Variants in UGGT2 observed in about 807,000 individuals in gnomAD.
UGGT2 encodes the protein UDP-glucose:glycoprotein glucosyltransferase 2.
Under a neutral mutation model 192.1 loss-of-function variants are expected in UGGT2, and 180 were observed. The observed-to-expected ratio is 0.94, with a 90% CI of 0.83 to 1.06. UGGT2 has a LOEUF of 1.06. Among genes scored for constraint, UGGT2 ranks in the 50% least tolerant of loss-of-function variants. The pLI is 0.00. For synonymous variants in UGGT2, 580 were observed against 591.0 expected (o/e 0.98, Z 0.27); for missense variants, 1,849 against 1,795.7 (o/e 1.03, Z -0.54).
chr13:96,043,424 T>C (rs1456434519), intron 1 of UGGT2, among the ~76,000 whole-genome samples: 1 of 151,970 alleles, frequency 6.6e-6, no homozygotes, highest in East Asian at 1.9e-4. Context: ...CTTTAAAACA[T>C]AAATCTCGCA....
chr13:96,040,822 T>C (rs1267711539), intron 1 of UGGT2, among the ~76,000 whole-genome samples: 1 of 152,068 alleles, frequency 6.6e-6, no homozygotes, highest in Non-Finnish European at 1.5e-5. Flanking sequence ...CAGTTCCAAC[T>C]CTAAGACTCT....
chr13:96,051,790 C>T (rs1315078435), intron 1 of UGGT2, among the ~76,000 whole-genome samples: 1 of 152,114 alleles, frequency 6.6e-6, no homozygotes, highest in Non-Finnish European at 1.5e-5. Context: ...CACCTTACTC[C>T]TGCAAGAATG....
At chr13:95,823,950 T>C (rs1488579192) in intron 38 of UGGT2, among the ~76,000 whole-genome samples, 1 of 152,116 alleles carries the variant, frequency 6.6e-6, no homozygotes, top group Non-Finnish European at 1.5e-5. Context: ...GCATTTCCTA[T>C]AGTGCTGGTT....
At chr13:96,015,047 G>C (rs2052285049) in intron 4 of UGGT2, among the ~76,000 whole-genome samples, 1 of 152,094 alleles carries the variant, frequency 6.6e-6, no homozygotes, top group African/African-American at 2.4e-5. Context: ...GGGAGGCCGA[G>C]GTGGGCGGAT....
Position 95,860,803 on chromosome 13 carries a change from T to C in UGGT2, c.3725A>G (p.Tyr1242Cys), listed in dbSNP as rs1323965812. The change falls in exon 32 of 39, where the codon TAT becomes TGT. Residue 1242 changes from tyrosine to cysteine, a missense_variant. Transcript: ENST00000376747. ...ATATACCTACCTTAAAAAACGTTCA[T>C]ATAAATGACCAGAAGCAACTGAAAA... ...NIFSVASGHL[Y>C]ERFLRIMMLS... The C allele has an allele frequency of 4.5e-6, 7 of 1,544,106 alleles. No homozygotes were observed. Among genetic ancestry groups the C allele is most frequent in the African/African-American group, 2.8e-5 (2 of 72,000 alleles).
At position 95,801,669 on chromosome 13, in the gene UGGT2, T is replaced by G; in HGVS notation, c.*121A>C. ...TTAAATAATTACAATTTTTTAAAAT[T>G]AAAGAATATGTCACTGATCTTAACG... On this transcript the variant is annotated 3_prime_UTR_variant, in exon 39 of 39. Transcript: ENST00000376747. 1 of 944,596 alleles carries G rather than the reference T, an allele frequency of 1.1e-6. No individual in the cohort carries two copies. The highest frequency in any genetic ancestry group is 2.6e-5 in the East Asian group (1 of 37,896). 58.5% of individuals were successfully genotyped at this position (944,596 alleles called of 1,614,324 possible). A position where few individuals can be genotyped will look rare whatever the true frequency, so the allele number is the denominator to read the frequency against.
At chr13:95,858,715 T>A (rs1889865341) in intron 33 of UGGT2, among the ~76,000 whole-genome samples, 1 of 152,180 alleles carries the variant, frequency 6.6e-6, no homozygotes, top group Admixed American at 6.6e-5. Flanking sequence ...TGGAGTTATA[T>A]AAATCCTTAT....
chr13:95,829,281 G>A (rs1406665594), intron 38 of UGGT2, among the ~76,000 whole-genome samples: 14 of 152,034 alleles, frequency 9.2e-5, no homozygotes, highest in African/African-American at 2.2e-4. Flanking sequence ...GCCCTCTCTC[G>A]CCACTCCTAT....
chr13:95,991,708 G>A (rs1388838730), intron 7 of UGGT2, among the ~76,000 whole-genome samples: 1 of 152,050 alleles, frequency 6.6e-6, no homozygotes, highest in Non-Finnish European at 1.5e-5. Flanking sequence ...TAAGTTATCA[G>A]ATTATAAGTT....
intron 29 of UGGT2, among the ~76,000 whole-genome samples, chr13:95,870,507 C>A (rs1341558311): frequency 2.0e-5 from 3 of 152,164 alleles, no homozygotes; most frequent in Admixed American, 6.5e-5. Context: ...GCTTAGCTTT[C>A]TGGGTACCAA....
rs181607149 is a variant in UGGT2 at position 95,822,559 on chromosome 13, G to A, written c.4528+10368C>T. 9.9e-5 allele frequency among the ~76,000 whole-genome samples: 15 copies of A among 151,902 alleles called. 1 individual carries two copies. The East Asian group carries it at 2.9e-3, about 29-fold the overall frequency. ...TTCTTTTGCTTGCCTAATTGCTCTG[G>A]CTAGGACTTCCAGTACTATGCTAAT... On this transcript the variant is annotated intron_variant, in intron 38 of 38. Transcript: ENST00000376747.
intron 30 of UGGT2, among the ~76,000 whole-genome samples, chr13:95,865,363 G>A (rs919206763): frequency 4.6e-5 from 7 of 152,126 alleles, no homozygotes; most frequent in African/African-American, 1.2e-4. Flanking sequence ...AACTGAAGGC[G>A]GCCGAGCATG....
chr13:95,846,394 G>A, intron 36 of UGGT2, among the ~76,000 whole-genome samples: 1 of 151,854 alleles, frequency 6.6e-6, no homozygotes, highest in Admixed American at 6.6e-5. Context: ...AGCCTCGGCT[G>A]GGCATCAGAG....
chr13:95,836,558 CT>C (rs1229544271), intron 37 of UGGT2, among the ~76,000 whole-genome samples: 9 of 152,164 alleles, frequency 5.9e-5, no homozygotes, highest in Admixed American at 1.3e-4. Flanking sequence ...TAAACACTTG[CT>C]TTCCTCCTGA....
At chr13:96,029,653 T>C (rs1168126282) in intron 2 of UGGT2, among the ~76,000 whole-genome samples, 3 of 152,342 alleles carry the variant, frequency 2.0e-5, no homozygotes, top group East Asian at 3.9e-4. Context: ...CTTCCATATA[T>C]GCTTGATGTA....
chr13:95,885,297 A>C (rs988043295), intron 26 of UGGT2, among the ~76,000 whole-genome samples: 1 of 152,166 alleles, frequency 6.6e-6, no homozygotes, highest in African/African-American at 2.4e-5. Flanking sequence ...ACTGCAGTCA[A>C]GGTGTCAGCT....
In UGGT2 at chr13:96,013,467, A is replaced by C; in HGVS notation, c.500T>G (p.Leu167Arg). ...AGGAAATTTGTGATCTCCTTTAAATAGATAAGGTCTAGTCCTAAGATAAAA... is the reference window on the plus strand; with the variant it reads ...AGGAAATTTGTGATCTCCTTTAAATCGATAAGGTCTAGTCCTAAGATAAAA... ...KKAASRTRPYLFKGDHKFPTN... is the reference protein window; with the variant it reads ...KKAASRTRPYRFKGDHKFPTN... The change falls in exon 5 of 39, where the codon CTA (leucine) becomes CGA (arginine). Residue 167 changes from leucine to arginine, a missense_variant. Leu to Arg is a moderately radical substitution (Grantham distance 102, BLOSUM62 -2). Coordinates refer to ENST00000376747, the MANE Select transcript of UGGT2 (RefSeq NM_020121.4). 1 of 1,570,128 alleles carries C rather than the reference A, an allele frequency of 6.4e-7. No individual in the cohort carries two copies. Among genetic ancestry groups the C allele is most frequent in the Non-Finnish European group, 8.6e-7 (1 of 1,162,526 alleles).
chr13:95,805,300 G>A (rs75839993), intron 38 of UGGT2, among the ~76,000 whole-genome samples: 1 of 151,592 alleles, frequency 6.6e-6, no homozygotes, highest in African/African-American at 2.4e-5. Context: ...AATAAGAAGT[G>A]TTGGTGAGGA....
In UGGT2 at chr13:95,925,593, G is replaced by A. The variant is rs144405252; in HGVS notation, c.2295+87C>T. On this transcript the variant is annotated intron_variant, in intron 20 of 38. Coordinates refer to ENST00000376747, the MANE Select transcript of UGGT2 (RefSeq NM_020121.4). ...ACTTAACTGAAACATTAACATGGAG[G>A]GGAAAATATTTAATGTATGTTCTTC... The A allele has an allele frequency of 5.3e-4, 463 of 873,410 alleles. 4 individuals are homozygous for A. In the African/African-American group the frequency reaches 7.1e-3, roughly 13 times the overall value. 54.1% of individuals were successfully genotyped at this position (873,410 alleles called of 1,614,324 possible).
Sources: allele counts gnomAD v4.1 joint callset (sites outside exome capture counted in the v4.1 genomes callset), GRCh38; gene constraint gnomAD v4.1.1; transcripts MANE v1.5; gene names NCBI Gene and HGNC (gene_info 2026-07-23, HGNC 2026-07-21).